FAM227B: variants seen among roughly 807,000 people sequenced by gnomAD.
The protein encoded by FAM227B is protein FAM227B.
In FAM227B, 88 loss-of-function variants were observed where a neutral mutation model predicts 73.8. The observed-to-expected ratio is 1.19, with a 90% confidence interval of 1.00 to 1.42. The LOEUF (loss-of-function observed/expected upper bound fraction) is 1.42, where lower values mean the gene tolerates loss of function less well. Ranked by LOEUF, FAM227B falls within the 40% of genes most tolerant of loss-of-function variation. FAM227B has a pLI of 0.00. For synonymous variants in FAM227B, 210 were observed against 190.5 expected, an observed-to-expected ratio of 1.10 and a Z score of -0.84; for missense variants, 632 against 590.9, an observed-to-expected ratio of 1.07 and a Z score of -0.72.
chr15:49,530,134 G>T (rs2075160192), intron 10 of FAM227B, among the ~76,000 whole-genome samples: 1 of 151,406 alleles, frequency 6.6e-6, no homozygotes, highest in African/African-American at 2.4e-5. Context: ...ATGCTTTTTT[G>T]CAATTATTAT....
intron 13 of FAM227B, among the ~76,000 whole-genome samples, chr15:49,338,150 T>C (rs890002032): frequency 2.0e-5 from 3 of 152,226 alleles, no homozygotes; most frequent in African/African-American, 7.2e-5. Context: ...AATATTGTTA[T>C]GTGTGAACTG....
At chr15:49,418,463 T>C (rs895028540) in intron 11 of FAM227B, among the ~76,000 whole-genome samples, 2 of 152,188 alleles carry the variant, frequency 1.3e-5, no homozygotes, top group African/African-American at 4.8e-5. Context: ...ATATAGACTA[T>C]GGAATACTTT....
At chr15:49,340,903 C>T (rs1259237332) in intron 13 of FAM227B, among the ~76,000 whole-genome samples, 1 of 152,142 alleles carries the variant, frequency 6.6e-6, no homozygotes. Flanking sequence ...TAAAGTCTTA[C>T]ATTTAAATAT....
intron 10 of FAM227B, among the ~76,000 whole-genome samples, chr15:49,517,282 GTA>G: frequency 6.6e-6 from 1 of 152,122 alleles, no homozygotes; most frequent in Admixed American, 6.6e-5. Flanking sequence ...ATGGAACTCA[GTA>G]TACTGTAAAC....
At chr15:49,587,975 A>G in intron 5 of FAM227B, 41 bp downstream of exon 5, 1 of 1,387,114 alleles carries the variant, frequency 7.2e-7, no homozygotes. Flanking sequence ...TTTTCTGTGA[A>G]AATCCAACTT....
At chr15:49,388,630 C>A (rs375438598) in intron 11 of FAM227B, among the ~76,000 whole-genome samples, 1 of 151,604 alleles carries the variant, frequency 6.6e-6, no homozygotes. Flanking sequence ...CAAAAATAAA[C>A]AAATGAGACC....
At chr15:49,479,597 C>CTTTTTTTTTTTTTTTTTTTTTT (rs1567359064) in intron 11 of FAM227B, among the ~76,000 whole-genome samples, 1 of 102,078 alleles carries the variant, frequency 9.8e-6, no homozygotes, top group Non-Finnish European at 1.8e-5. Flanking sequence ...GTTAATACCT[C>CTTTTTTTTTTTTTTTTTTTTTT]TGTTTTTTTT....
intron 11 of FAM227B, among the ~76,000 whole-genome samples, chr15:49,388,693 C>T (rs555860843): frequency 6.6e-6 from 1 of 151,882 alleles, no homozygotes; most frequent in South Asian, 2.1e-4. Context: ...ACAGAGTAAA[C>T]AGAAAACCCA....
chr15:49,498,309 T>C (rs968560572), intron 11 of FAM227B, among the ~76,000 whole-genome samples: 3 of 152,180 alleles, frequency 2.0e-5, no homozygotes. Flanking sequence ...TATATTGTGG[T>C]TTTGTCACTT....
chr15:49,410,059 T>C (rs948901722), intron 11 of FAM227B, among the ~76,000 whole-genome samples: 1 of 152,132 alleles, frequency 6.6e-6, no homozygotes, highest in Non-Finnish European at 1.5e-5. Flanking sequence ...ATCTCACCTA[T>C]AATGCTGGCA....
intron 11 of FAM227B, among the ~76,000 whole-genome samples, chr15:49,411,125 A>T (rs1952300043): frequency 6.6e-6 from 1 of 151,884 alleles, no homozygotes; most frequent in Admixed American, 6.6e-5. Flanking sequence ...TGGATAGGAT[A>T]AAAAACAGTT....
intron 13 of FAM227B, among the ~76,000 whole-genome samples, chr15:49,345,107 T>C (rs2041275144): frequency 2.0e-5 from 3 of 152,230 alleles, no homozygotes. Flanking sequence ...CTCTCTTGAG[T>C]ATCATTTCCA....
intron 11 of FAM227B, among the ~76,000 whole-genome samples, chr15:49,465,558 A>G (rs1179173132): frequency 6.6e-6 from 1 of 150,836 alleles, no homozygotes; most frequent in Non-Finnish European, 1.5e-5. Context: ...TTGAAAATAT[A>G]AATAGATTCA....
At chr15:49,422,143 AGAGT>A (rs1238792183) in intron 11 of FAM227B, among the ~76,000 whole-genome samples, 8 of 139,548 alleles carry the variant, frequency 5.7e-5, no homozygotes, top group African/African-American at 1.3e-4. Context: ...AGAGAGAGAG[AGAGT>A]GTGTGTGTGT....
At chr15:49,374,466 G>A (rs537140662) in intron 11 of FAM227B, among the ~76,000 whole-genome samples, 2 of 152,328 alleles carry the variant, frequency 1.3e-5, no homozygotes, top group South Asian at 4.1e-4. Context: ...TAGGCAAAAT[G>A]TATGTGATCT....
chr15:49,328,981 G>A lies in FAM227B; in HGVS notation c.1420-306C>T, dbSNP rs1002385708. 3.1e-5 allele frequency: 32 copies of A among 1,047,002 alleles called. No homozygotes were observed. The African/African-American group carries it at 5.0e-4, about 16-fold the overall frequency. 64.9% of individuals were successfully genotyped at this position (1,047,002 alleles called of 1,614,324 possible). A position where few individuals can be genotyped will look rare whatever the true frequency, so the allele number is the denominator to read the frequency against. ...AAAGAATTATCTAGATGATAATTCA[G>A]ATAATTCAGTTTGTTCATAGAATTA... is the stretch of plus-strand genomic sequence containing the variant. On this transcript the variant is annotated intron_variant, in intron 15 of 15. Transcript: ENST00000299338.
chr15:49,463,700 T>A (rs2054008317), intron 11 of FAM227B, among the ~76,000 whole-genome samples: 1 of 152,228 alleles, frequency 6.6e-6, no homozygotes, highest in South Asian at 2.1e-4. Context: ...CAGTGTTTTA[T>A]GCTTCTGTGC....
intron 13 of FAM227B, among the ~76,000 whole-genome samples, chr15:49,355,473 T>G (rs1286889366): frequency 6.6e-6 from 1 of 151,984 alleles, no homozygotes; most frequent in Non-Finnish European, 1.5e-5. Flanking sequence ...TGCGATCAAC[T>G]GGAAGAAAGG....
At chr15:49,577,815 T>C (rs1180079498) in intron 5 of FAM227B, 151 bp from the exon 6 acceptor site, 1 of 483,434 alleles carries the variant, frequency 2.1e-6, no homozygotes, top group Non-Finnish European at 3.7e-6. Flanking sequence ...CTGTGTTTGA[T>C]ATTGGAAATT....
Sources: allele counts gnomAD v4.1 joint callset (sites outside exome capture counted in the v4.1 genomes callset), GRCh38; gene constraint gnomAD v4.1.1; transcripts MANE v1.5; gene names NCBI Gene and HGNC (gene_info 2026-07-23, HGNC 2026-07-21).